Variants in GRIK4 observed in about 807,000 individuals in gnomAD.
GRIK4 encodes the protein glutamate ionotropic receptor kainate type subunit 4.
Under a neutral mutation model 104.9 loss-of-function variants are expected in GRIK4, and 40 were observed. The ratio of observed to expected loss-of-function variants is 0.38; its 90% CI spans 0.30 to 0.50. The LOEUF is 0.50. GRIK4 is among the 20% of genes least tolerant of loss of function. GRIK4 has a pLI of 0.93. For synonymous variants in GRIK4, 485 were observed against 524.9 expected (o/e 0.92, Z 1.04); for missense variants, 1,047 against 1,308.1 (o/e 0.80, Z 3.08).
chr11:120,775,117 A>C (rs1018981597), intron 3 of GRIK4, among the ~76,000 whole-genome samples: 3 of 152,168 alleles, frequency 2.0e-5, no homozygotes, highest in African/African-American at 7.2e-5. Context: ...GTTGGTGTTT[A>C]AGGAGGGCCT....
rs557412264 is a variant in GRIK4, at chr11:120,772,648, T to C, written c.83-30045T>C. Among the ~76,000 whole-genome samples the C allele has an allele frequency of 2.4e-4, 37 of 151,836 alleles. No homozygotes were observed. The East Asian group carries it at 5.2e-3, about 21-fold the overall frequency. On this transcript the variant is annotated intron_variant, in intron 3 of 20. Coordinates refer to ENST00000527524, the MANE Select transcript of GRIK4 (RefSeq NM_014619.5). ...AGAACAGGTGGTGTATGTGCGCGCG[T>C]GTGTGTGTGTTACATGGGAGAAATG...
At chr11:120,525,694 G>T (rs994400366) in intron 1 of GRIK4, among the ~76,000 whole-genome samples, 6 of 152,206 alleles carry the variant, frequency 3.9e-5, no homozygotes, top group Non-Finnish European at 8.8e-5. Context: ...TCTCCTCTGA[G>T]CAATCCAAGG....
rs1948897337 is a variant in GRIK4 at position 120,602,174 on chromosome 11, T to G, written c.-158-51511T>G. On this transcript the variant is annotated intron_variant, in intron 1 of 20. Coordinates refer to ENST00000527524, the MANE Select transcript of GRIK4 (RefSeq NM_014619.5). ...AGCCCCTGGGAGCCAGCTCCGTAGA[T>G]TGCCCCCTCTTTCTTCTTGGTTGCT... is the stretch of plus-strand genomic sequence containing the variant. 2.0e-5 allele frequency among the ~76,000 whole-genome samples: 3 copies of G among 152,178 alleles called. No homozygotes were observed. In the South Asian group the frequency reaches 6.2e-4, roughly 31 times the overall value.
chr11:120,658,723 G>A (rs899621868), intron 2 of GRIK4, among the ~76,000 whole-genome samples: 17 of 128,084 alleles, frequency 1.3e-4, no homozygotes, highest in African/African-American at 4.5e-4. Context: ...GTTGGAGGAC[G>A]AAACTTTTTT....
At chr11:120,542,854 CA>C (rs1261511995) in intron 1 of GRIK4, among the ~76,000 whole-genome samples, 2 of 152,216 alleles carry the variant, frequency 1.3e-5, no homozygotes, top group Non-Finnish European at 2.9e-5. Context: ...TGCTTTTCAG[CA>C]AAGGACTGTA....
rs1410127703 is a variant in GRIK4, at chr11:120,513,220, CA to C, written c.-159+1334del. ...GCTGGTCAGGAGGACTGAGCCCTGC[CA>C]GGAACAAAGAACTACCTTCACTTTC... On this transcript the variant is annotated intron_variant, in intron 1 of 20. Coordinates refer to ENST00000527524, the MANE Select transcript of GRIK4 (RefSeq NM_014619.5). The surrounding 1 kb of genome is among the most constrained non-coding windows in gnomAD (Gnocchi z 4.5). Among the ~76,000 whole-genome samples the C allele has an allele frequency of 6.6e-6, 1 of 152,154 alleles. No homozygotes were observed. Among genetic ancestry groups the C allele is most frequent in the African/African-American group, 2.4e-5 (1 of 41,422 alleles).
intron 1 of GRIK4, among the ~76,000 whole-genome samples, chr11:120,648,819 C>G (rs1410326816): frequency 6.6e-6 from 1 of 151,564 alleles, no homozygotes; most frequent in Non-Finnish European, 1.5e-5. Flanking sequence ...AACAAACAAA[C>G]AAACAAACAA....
At chr11:120,856,860 C>G (rs1954115892) in intron 8 of GRIK4, among the ~76,000 whole-genome samples, 1 of 152,152 alleles carries the variant, frequency 6.6e-6, no homozygotes, top group South Asian at 2.1e-4. Context: ...TGGTCCTGTC[C>G]TCAGGATTGA....
intron 3 of GRIK4, among the ~76,000 whole-genome samples, chr11:120,795,379 C>T (rs936278997): frequency 6.6e-6 from 1 of 152,206 alleles, no homozygotes; most frequent in African/African-American, 2.4e-5. Context: ...CTGGAGGCCT[C>T]TGGCGGGTCA....
intron 3 of GRIK4, among the ~76,000 whole-genome samples, chr11:120,710,311 T>C (rs977139084): frequency 1.3e-5 from 2 of 152,126 alleles, no homozygotes; most frequent in South Asian, 2.1e-4. Flanking sequence ...ATGAGAAAGC[T>C]GAGATGAGCT....
chr11:120,529,084 T>G (rs1423896028), intron 1 of GRIK4, among the ~76,000 whole-genome samples: 1 of 152,066 alleles, frequency 6.6e-6, no homozygotes, highest in Non-Finnish European at 1.5e-5. Context: ...CCATTCCTCT[T>G]CCAGGAAGCC....
intron 13 of GRIK4, among the ~76,000 whole-genome samples, chr11:120,918,952 T>G (rs776188696): frequency 2.6e-5 from 4 of 152,208 alleles, no homozygotes; most frequent in Non-Finnish European, 5.9e-5. Context: ...TTATTCATAT[T>G]TCATAACCAA....
chr11:120,859,870 C>G (rs1954214784), intron 8 of GRIK4, among the ~76,000 whole-genome samples: 1 of 152,200 alleles, frequency 6.6e-6, no homozygotes, highest in South Asian at 2.1e-4. Flanking sequence ...CTCTGTCAGG[C>G]ATTGGTGGCT....
At chr11:120,792,982 A>C (rs1035814381) in intron 3 of GRIK4, among the ~76,000 whole-genome samples, 21 of 152,184 alleles carry the variant, frequency 1.4e-4, no homozygotes, top group African/African-American at 4.8e-4. Flanking sequence ...CAGTTAGAGC[A>C]GTGTGAGGAG....
chr11:120,836,903 A>G (rs368539453), intron 8 of GRIK4, 59 bp downstream of exon 8: 202 of 1,127,836 alleles, frequency 1.8e-4, no homozygotes, highest in Admixed American at 6.3e-4. Context: ...GTCAGGATTG[A>G]TGGATTATAA....
intron 3 of GRIK4, among the ~76,000 whole-genome samples, chr11:120,718,495 G>T (rs1950876218): frequency 6.6e-6 from 1 of 152,158 alleles, no homozygotes; most frequent in Non-Finnish European, 1.5e-5. Context: ...TAATAATGTG[G>T]TTCCCTGCCA....
At chr11:120,546,375 T>C (rs937232222) in intron 1 of GRIK4, among the ~76,000 whole-genome samples, 1 of 152,012 alleles carries the variant, frequency 6.6e-6, no homozygotes, top group African/African-American at 2.4e-5. Context: ...CATTTTTCAG[T>C]TGGGAAAGAT....
At position 120,735,478 on chromosome 11, in the gene GRIK4, T is replaced by C. The variant is rs369744200; in HGVS notation, c.83-67215T>C. Reference sequence around the variant, plus strand: ...ATGGCCACCACCACTCAAATTGCCCTGGGTCATGCCTGAAGCCAACACAGC... The same window carrying C: ...ATGGCCACCACCACTCAAATTGCCCCGGGTCATGCCTGAAGCCAACACAGC... On this transcript the variant is annotated intron_variant, in intron 3 of 20. Transcript: ENST00000527524. 8.1e-4 allele frequency among the ~76,000 whole-genome samples: 124 copies of C among 152,258 alleles called. 1 individual carries two copies. The Middle Eastern group carries it at 0.01, about 13-fold the overall frequency.
At chr11:120,804,891 T>TG (rs1264185485) in intron 4 of GRIK4, among the ~76,000 whole-genome samples, 2 of 152,250 alleles carry the variant, frequency 1.3e-5, no homozygotes, top group Middle Eastern at 3.4e-3. Flanking sequence ...CCTGCTCCTA[T>TG]GACTGAGGGA....
Sources: gnomAD v4.1 joint callset for allele counts (sites outside exome capture counted in the v4.1 genomes callset) on GRCh38, gnomAD v4.1.1 for gene constraint, Gnocchi (gnomAD v3.1) non-coding constraint, MANE v1.5 for transcripts, NCBI Gene and HGNC (gene_info 2026-07-23, HGNC 2026-07-21) for gene names.